PTPRN2: variants seen among roughly 807,000 people sequenced by gnomAD.
PTPRN2 encodes protein tyrosine phosphatase receptor type N2, also known as receptor-type tyrosine-protein phosphatase N2.
A neutral mutation model predicts 118.8 loss-of-function variants in PTPRN2; 74 were observed. That is an observed-to-expected ratio of 0.62 (90% CI 0.52 to 0.76). The LOEUF (loss-of-function observed/expected upper bound fraction) is 0.76, where lower values mean the gene tolerates loss of function less well. Ranked by LOEUF, PTPRN2 falls within the 30% of genes least tolerant of loss-of-function variation. The pLI is 0.00. For missense variants in PTPRN2, 1,481 were observed against 1,394.4 expected (o/e 1.06, Z -0.99); for synonymous variants, 641 against 608.0 (o/e 1.05, Z -0.80).
At chr7:158,004,346 G>C (rs1805498958) in intron 11 of PTPRN2, among the ~76,000 whole-genome samples, 1 of 152,118 alleles carries the variant, frequency 6.6e-6, no homozygotes, top group Non-Finnish European at 1.5e-5. Context: ...CCTCCCAGAT[G>C]CTTCCTGTGT....
Position 157,809,431 on chromosome 7 carries a change from C to T in PTPRN2, c.1788+89242G>A, listed in dbSNP as rs1418101576. 3.9e-5 allele frequency among the ~76,000 whole-genome samples: 6 copies of T among 152,230 alleles called. No homozygotes were observed. In the South Asian group the frequency reaches 6.2e-4, roughly 16 times the overall value. ...GCGCCACCCCCGCCGTGTGAGCTCC[C>T]GCGTAGGCCCAGGGTTGGATGAGAT... On this transcript the variant is annotated intron_variant, in intron 12 of 22. Coordinates refer to ENST00000389418, the MANE Select transcript of PTPRN2 (RefSeq NM_002847.5).
intron 10 of PTPRN2, among the ~76,000 whole-genome samples, chr7:158,085,634 C>T (rs1813313514): frequency 7.8e-6 from 1 of 128,362 alleles, no homozygotes; most frequent in African/African-American, 3.0e-5. Context: ...CCCTCGACGC[C>T]CATCCACACA....
intron 6 of PTPRN2, 31 bp from the exon 7 acceptor site, chr7:158,138,546 T>C: frequency 6.3e-7 from 1 of 1,593,720 alleles, no homozygotes; most frequent in Non-Finnish European, 8.6e-7. Context: ...ACAAGGACGT[T>C]GTGGGTGGAC....
chr7:157,683,677 G>T (rs371158300), intron 12 of PTPRN2, among the ~76,000 whole-genome samples: 1 of 152,142 alleles, frequency 6.6e-6, no homozygotes, highest in African/African-American at 2.4e-5. Flanking sequence ...CTTGGAGGGC[G>T]GGGGTAGGGC....
intron 11 of PTPRN2, among the ~76,000 whole-genome samples, chr7:158,076,296 C>G (rs1277661549): frequency 6.6e-6 from 1 of 152,244 alleles, no homozygotes; most frequent in African/African-American, 2.4e-5. Context: ...ACAGCTCCAC[C>G]CGGCCTGGCC....
At position 157,964,360 on chromosome 7, in the gene PTPRN2, G is replaced by A. The variant is rs909416393; in HGVS notation, c.1724-65623C>T. ...CCCCAGGCTAATTCATCAGCAAGAT[G>A]TTGGCAACTGCTGGGCTGGATGGTT... On this transcript the variant is annotated intron_variant, in intron 11 of 22. Transcript: ENST00000389418. The surrounding 1 kb of genome is among the most constrained non-coding windows in gnomAD (Gnocchi z 9.0). Among the ~76,000 whole-genome samples, 1 of 152,032 alleles carries A rather than the reference G, an allele frequency of 6.6e-6. No homozygotes were observed. The highest frequency in any genetic ancestry group is 2.4e-5 in the African/African-American group (1 of 41,388).
intron 12 of PTPRN2, among the ~76,000 whole-genome samples, chr7:157,811,768 G>A (rs148742916): frequency 3.9e-5 from 6 of 152,220 alleles, no homozygotes; most frequent in South Asian, 2.1e-4. Context: ...CTCATCTGAC[G>A]AGGTCCAAAC....
chr7:157,901,275 A>G (rs1478462787), intron 11 of PTPRN2, among the ~76,000 whole-genome samples: 1 of 151,930 alleles, frequency 6.6e-6, no homozygotes. Context: ...CCCTCCCACC[A>G]GGCTGCACCT....
chr7:158,324,136 C>T (rs1162207084), intron 2 of PTPRN2, among the ~76,000 whole-genome samples: 6 of 152,132 alleles, frequency 3.9e-5, no homozygotes, highest in African/African-American at 1.4e-4. Context: ...AACTCACACG[C>T]CCACACGCGT....
intron 2 of PTPRN2, among the ~76,000 whole-genome samples, chr7:158,488,137 A>AAC (rs1401824338): frequency 2.0e-5 from 3 of 152,100 alleles, no homozygotes; most frequent in East Asian, 3.9e-4. Context: ...AATTAAATTA[A>AAC]ACACACACAC....
intron 6 of PTPRN2, among the ~76,000 whole-genome samples, chr7:158,146,387 G>A (rs964160853): frequency 7.2e-5 from 11 of 152,034 alleles, no homozygotes; most frequent in East Asian, 1.9e-4. Flanking sequence ...AACCTGTATT[G>A]GGCATCTATT....
At chr7:157,820,556 GCA>G (rs931388071) in intron 12 of PTPRN2, among the ~76,000 whole-genome samples, 1 of 136,696 alleles carries the variant, frequency 7.3e-6, no homozygotes, top group African/African-American at 2.8e-5. Flanking sequence ...GCACACACAC[GCA>G]CACACACTCA....
chr7:158,009,565 G>C (rs1805895414), intron 11 of PTPRN2, among the ~76,000 whole-genome samples: 1 of 152,050 alleles, frequency 6.6e-6, no homozygotes, highest in African/African-American at 2.4e-5. Flanking sequence ...TTAATAATTG[G>C]ATAATCTTAA....
chr7:158,374,333 T>G (rs1200949659), intron 2 of PTPRN2, among the ~76,000 whole-genome samples: 1 of 152,044 alleles, frequency 6.6e-6, no homozygotes, highest in Non-Finnish European at 1.5e-5. Flanking sequence ...AAAAGGCCAA[T>G]GCTGCAGGCC....
chr7:158,113,275 C>G (rs1228548485), intron 9 of PTPRN2, among the ~76,000 whole-genome samples: 1 of 152,124 alleles, frequency 6.6e-6, no homozygotes, highest in Non-Finnish European at 1.5e-5. Flanking sequence ...GACCTGCAGC[C>G]TGTTCAGCAT....
chr7:158,262,729 TACATTCACAC>T (rs1401044878), intron 3 of PTPRN2, among the ~76,000 whole-genome samples: 1 of 114,800 alleles, frequency 8.7e-6, no homozygotes, highest in Non-Finnish European at 1.8e-5. Flanking sequence ...TGCGCACACA[TACATTCACAC>T]ACTGCACATA....
intron 3 of PTPRN2, among the ~76,000 whole-genome samples, chr7:158,255,979 A>C (rs1290420598): frequency 6.6e-6 from 1 of 152,216 alleles, no homozygotes; most frequent in Admixed American, 6.5e-5. Flanking sequence ...TAGATGCCAC[A>C]GGAAACCCCT....
At chr7:157,796,065 G>A (rs772399719) in intron 12 of PTPRN2, among the ~76,000 whole-genome samples, 3 of 152,206 alleles carry the variant, frequency 2.0e-5, no homozygotes, top group Admixed American at 6.5e-5. Context: ...ATAAACACAC[G>A]CGTTCCAGGA....
At position 158,319,707 on chromosome 7, in the gene PTPRN2, A is replaced by G; in HGVS notation, c.164-2775T>C. Among the ~76,000 whole-genome samples, 2 of 8,322 alleles carry G rather than the reference A, an allele frequency of 2.4e-4. 1 individual carries two copies. Among genetic ancestry groups the G allele is most frequent in the Non-Finnish European group, 5.8e-4 (2 of 3,474 alleles). 5.5% of individuals were successfully genotyped at this position (8,322 alleles called of 152,430 possible). A position where few individuals can be genotyped will look rare whatever the true frequency, so the allele number is the denominator to read the frequency against. The stretch of plus-strand genomic sequence containing the variant: ...GCCTCTCTCACACAGCCTCCCTCAT[A>G]CACACAGCCTCCCTCACACACACTC... On this transcript the variant is annotated intron_variant, in intron 2 of 22. Coordinates refer to ENST00000389418, the MANE Select transcript of PTPRN2 (RefSeq NM_002847.5).
Sources: gnomAD v4.1 joint callset for allele counts (sites outside exome capture counted in the v4.1 genomes callset) on GRCh38, gnomAD v4.1.1 for gene constraint, Gnocchi (gnomAD v3.1) non-coding constraint, MANE v1.5 for transcripts, NCBI Gene and HGNC (gene_info 2026-07-23, HGNC 2026-07-21) for gene names.